The following GLI3 variants were observed in gnomAD, a reference collection of about 807,000 sequenced individuals.
GLI3 encodes the protein GLI family zinc finger 3, also known as transcription activator GLI3.
A neutral mutation model predicts 100.8 loss-of-function variants in GLI3; 20 were observed. The observed-to-expected ratio is 0.20, with a 90% CI of 0.14 to 0.29. The LOEUF is 0.29. Ranked by LOEUF, GLI3 falls within the 10% of genes least tolerant of loss-of-function variation. The pLI is 1.00. For missense variants in GLI3, 2,040 were observed against 2,128.5 expected (o/e 0.96, Z 0.82); for synonymous variants, 938 against 860.5 (o/e 1.09, Z -1.58).
intron 10 of GLI3, among the ~76,000 whole-genome samples, chr7:42,010,094 T>C (rs1483719364): frequency 6.6e-6 from 1 of 152,252 alleles, no homozygotes; most frequent in Non-Finnish European, 1.5e-5. Context: ...AGTGGCTTTC[T>C]GGAATGATCC....
chr7:42,226,634 T>C (rs1788587131), intron 1 of GLI3, among the ~76,000 whole-genome samples: 2 of 152,260 alleles, frequency 1.3e-5, no homozygotes, highest in Admixed American at 6.5e-5. Context: ...TGGATCTCAT[T>C]AGTTAGTACC....
chr7:42,191,923 C>T (rs1369419773), intron 2 of GLI3, among the ~76,000 whole-genome samples: 1 of 151,896 alleles, frequency 6.6e-6, no homozygotes, highest in Non-Finnish European at 1.5e-5. Flanking sequence ...CCATACTGCT[C>T]CCAATTAAGC....
At chr7:42,211,843 T>C (rs1284607012) in intron 2 of GLI3, among the ~76,000 whole-genome samples, 2 of 152,174 alleles carry the variant, frequency 1.3e-5, no homozygotes, top group Admixed American at 1.3e-4. Flanking sequence ...CAAAATGAAT[T>C]TGCTGTGAAA....
intron 4 of GLI3, among the ~76,000 whole-genome samples, chr7:42,073,499 C>T (rs775732124): frequency 5.4e-4 from 83 of 152,306 alleles, no homozygotes; most frequent in Middle Eastern, 3.4e-3. Context: ...ACAGCTAATA[C>T]GAAACATATT....
chr7:42,026,376 G>C lies in GLI3; in HGVS notation c.1065C>G (p.Val355=), dbSNP rs766499352. ...GGATCTGCTGATGCATGTGGAGAGAGACGGGCGCGGAAGAGTAGGTGAAGC... is the reference window on the plus strand; with the variant it reads ...GGATCTGCTGATGCATGTGGAGAGACACGGGCGCGGAAGAGTAGGTGAAGC... ...ALSFTYSSAP[V]SLHMHQQILS... is the part of the protein sequence containing the mutation. The change falls in exon 8 of 15, where the codon GTC becomes GTG. Residue 355 remains valine (V), a synonymous_variant. Coordinates refer to ENST00000395925, the MANE Select transcript of GLI3 (RefSeq NM_000168.6). 8 of 1,614,096 alleles carry C rather than the reference G, an allele frequency of 5.0e-6. No individual in the cohort carries two copies. Among genetic ancestry groups the C allele is most frequent in the African/African-American group, 2.7e-5 (2 of 74,932 alleles).
At chr7:42,024,907 C>T (rs1789064253) in intron 9 of GLI3, among the ~76,000 whole-genome samples, 1 of 152,136 alleles carries the variant, frequency 6.6e-6, no homozygotes, top group African/African-American at 2.4e-5. Context: ...TAATTCAGGC[C>T]CAAAATCACA....
Position 41,965,728 on chromosome 7 carries a change from G to A in GLI3, c.3345C>T (p.Ala1115=). 1 of 1,613,714 alleles carries A rather than the reference G, an allele frequency of 6.2e-7. No individual in the cohort carries two copies. The highest frequency in any genetic ancestry group is 1.7e-5 in the Admixed American group (1 of 60,022). ...GGGGCACTTTGCTGTCGTCCGGGAGGGCGCTGGGGAAGTGCTGCTCGTACC... is the reference window on the plus strand; with the variant it reads ...GGGGCACTTTGCTGTCGTCCGGGAGAGCGCTGGGGAAGTGCTGCTCGTACC... ...QAGYEQHFPS[A]LPDDSKVPHG... Residue 1115 remains alanine, a synonymous_variant, in exon 15 of 15, where the codon GCC becomes GCT. Transcript: ENST00000395925.
intron 1 of GLI3, among the ~76,000 whole-genome samples, chr7:42,263,713 G>T (rs1013418328): frequency 1.3e-5 from 2 of 152,134 alleles, no homozygotes; most frequent in African/African-American, 4.8e-5. Context: ...CTCCCAAAGT[G>T]CTGGGATTAC....
At chr7:42,007,465 A>T (rs1299673708) in intron 10 of GLI3, among the ~76,000 whole-genome samples, 2 of 152,204 alleles carry the variant, frequency 1.3e-5, no homozygotes, top group Non-Finnish European at 2.9e-5. Flanking sequence ...TAGGGCACAC[A>T]TTTCCACAGT....
At chr7:42,148,184 C>A in intron 3 of GLI3, 42 bp downstream of exon 3, 1 of 1,568,494 alleles carries the variant, frequency 6.4e-7, no homozygotes, top group Non-Finnish European at 8.7e-7. Flanking sequence ...CACAGCCCTC[C>A]CCATAGCTCC....
intron 2 of GLI3, among the ~76,000 whole-genome samples, chr7:42,189,147 C>T (rs946903361): frequency 3.9e-5 from 6 of 152,018 alleles, no homozygotes; most frequent in African/African-American, 1.5e-4. Context: ...TTGCTATGGA[C>T]CCAGTACCAC....
chr7:42,198,955 A>C (rs1419831862), intron 2 of GLI3, among the ~76,000 whole-genome samples: 1 of 152,030 alleles, frequency 6.6e-6, no homozygotes, highest in African/African-American at 2.4e-5. Flanking sequence ...ACTAAAAAGA[A>C]AAGACTTGGG....
chr7:42,025,324 G>A lies in GLI3; in HGVS notation c.1296C>T (p.Asn432=). The change falls in exon 9 of 15, where the codon AAC becomes AAT. Residue 432 remains asparagine, a synonymous_variant. Transcript: ENST00000395925. Reference sequence around the variant, plus strand: ...CATCGGGTTTGATCTTGGACCTCTTGTTGTGCATCGGGTCACCAGTGCTGC... The same window carrying A: ...CATCGGGTTTGATCTTGGACCTCTTATTGTGCATCGGGTCACCAGTGCTGC... The part of the protein sequence containing the change: ...AVSSTGDPMH[N]KRSKIKPDED... 6.2e-7 allele frequency: 1 copy of A among 1,614,170 alleles called. No homozygotes were observed. The highest frequency in any genetic ancestry group is 8.5e-7 in the Non-Finnish European group (1 of 1,180,006).
At chr7:42,092,724 G>T (rs956300773) in intron 3 of GLI3, among the ~76,000 whole-genome samples, 7 of 152,122 alleles carry the variant, frequency 4.6e-5, no homozygotes, top group Admixed American at 6.5e-5. Context: ...ACCAACAGAT[G>T]ACAGGTTATA....
intron 4 of GLI3, among the ~76,000 whole-genome samples, chr7:42,059,388 T>A (rs1294516303): frequency 2.7e-5 from 4 of 150,528 alleles, no homozygotes; most frequent in African/African-American, 9.7e-5. Flanking sequence ...GTAACTATTA[T>A]ATAAAATGTT....
intron 3 of GLI3, among the ~76,000 whole-genome samples, chr7:42,130,887 A>C (rs1405755): frequency 0.031 from 4,759 of 152,310 alleles, 257 homozygotes; most frequent in African/African-American, 0.11. Flanking sequence ...GAAGGAAAAA[A>C]ATAAGCCATC....
chr7:42,008,526 C>G (rs1359760302), intron 10 of GLI3, among the ~76,000 whole-genome samples: 1 of 152,200 alleles, frequency 6.6e-6, no homozygotes, highest in Admixed American at 6.5e-5. Context: ...TCACTGCAGC[C>G]TTGAACTCCT....
intron 12 of GLI3, 97 bp downstream of exon 12, chr7:41,977,461 G>T: frequency 7.5e-7 from 1 of 1,326,214 alleles, no homozygotes; most frequent in Non-Finnish European, 1.1e-6. Context: ...TGGCCAAGGG[G>T]AAAACAAAAC....
chr7:42,024,890 A>G (rs1350291701), intron 9 of GLI3, among the ~76,000 whole-genome samples: 1 of 152,178 alleles, frequency 6.6e-6, no homozygotes. Flanking sequence ...TGGGTCCAGG[A>G]GCTCAATAAT....
Sources: allele counts gnomAD v4.1 joint callset (sites outside exome capture counted in the v4.1 genomes callset), GRCh38; gene constraint gnomAD v4.1.1; transcripts MANE v1.5; gene names NCBI Gene and HGNC (gene_info 2026-07-23, HGNC 2026-07-21).